CPED1: variants seen among roughly 807,000 people sequenced by gnomAD.
The protein encoded by CPED1 is cadherin-like and PC-esterase domain-containing protein 1.
A neutral mutation model predicts 128.2 loss-of-function variants in CPED1; 114 were observed. The observed-to-expected ratio is 0.89, with a 90% confidence interval of 0.76 to 1.04. The LOEUF (loss-of-function observed/expected upper bound fraction) is 1.04. CPED1 is among the 50% of genes least tolerant of loss of function. CPED1 has a pLI of 0.00. For synonymous variants in CPED1, 462 were observed against 426.7 expected (o/e 1.08, Z -1.02); for missense variants, 1,211 against 1,207.1 (o/e 1.00, Z -0.05).
intron 18 of CPED1, among the ~76,000 whole-genome samples, chr7:121,253,023 T>A (rs1470441719): frequency 2.6e-5 from 4 of 152,038 alleles, no homozygotes; most frequent in Non-Finnish European, 5.9e-5. Context: ...GTATGTTTAT[T>A]GCGGCACTAT....
At chr7:121,090,424 A>T (rs1180845739) in intron 5 of CPED1, among the ~76,000 whole-genome samples, 1 of 152,174 alleles carries the variant, frequency 6.6e-6, no homozygotes, top group Admixed American at 6.5e-5. Context: ...GTACACTGAT[A>T]TGATAACATC....
At chr7:121,059,563 C>T (rs1013048265) in intron 4 of CPED1, among the ~76,000 whole-genome samples, 5 of 152,160 alleles carry the variant, frequency 3.3e-5, no homozygotes, top group African/African-American at 1.2e-4. Context: ...TCTTCCCCCT[C>T]CAGTGTTTTC....
At chr7:121,274,879 T>A (rs1792301398) in intron 22 of CPED1, among the ~76,000 whole-genome samples, 1 of 152,162 alleles carries the variant, frequency 6.6e-6, no homozygotes, top group South Asian at 2.1e-4. Context: ...AGTTGGTGAC[T>A]GCTCTCATGT....
At chr7:121,257,475 G>A (rs191341749) in intron 18 of CPED1, among the ~76,000 whole-genome samples, 1 of 152,124 alleles carries the variant, frequency 6.6e-6, no homozygotes, top group East Asian at 1.9e-4. Flanking sequence ...CAAGGCAGAG[G>A]CAGTGGAAAT....
intron 16 of CPED1, among the ~76,000 whole-genome samples, chr7:121,220,981 T>TA (rs1184265661): frequency 6.6e-6 from 1 of 152,086 alleles, no homozygotes; most frequent in Admixed American, 6.6e-5. Context: ...ATCTTTTTTT[T>TA]ATTATACTTT....
At chr7:121,040,444 T>C (rs111706713) in intron 3 of CPED1, among the ~76,000 whole-genome samples, 1 of 152,074 alleles carries the variant, frequency 6.6e-6, no homozygotes, top group African/African-American at 2.4e-5. Flanking sequence ...GAGTAAGGAA[T>C]TGGTTAATGC....
At chr7:121,248,603 A>C (rs979678601) in intron 18 of CPED1, among the ~76,000 whole-genome samples, 13 of 151,494 alleles carry the variant, frequency 8.6e-5, no homozygotes, top group South Asian at 2.1e-4. Flanking sequence ...ACAAAAAAAA[A>C]AAAAAAAAAA....
At chr7:121,086,232 A>G (rs1325817700) in intron 5 of CPED1, among the ~76,000 whole-genome samples, 1 of 152,204 alleles carries the variant, frequency 6.6e-6, no homozygotes, top group Non-Finnish European at 1.5e-5. Flanking sequence ...AGCAGGCTAT[A>G]AAAAGCAAAG....
At chr7:121,294,414 C>T (rs1792777207) in intron 22 of CPED1, among the ~76,000 whole-genome samples, 1 of 152,054 alleles carries the variant, frequency 6.6e-6, no homozygotes, top group Non-Finnish European at 1.5e-5. Flanking sequence ...TGCACACCTA[C>T]CCCCAAAAGT....
chr7:121,287,034 C>T (rs1373676253), intron 22 of CPED1, among the ~76,000 whole-genome samples: 1 of 152,090 alleles, frequency 6.6e-6, no homozygotes, highest in Admixed American at 6.6e-5. Context: ...CATGAGAACT[C>T]ACTCACTGTT....
At position 121,124,325 on chromosome 7, in the gene CPED1, T is replaced by A. The variant is rs752480478; in HGVS notation, c.919-6T>A. 1 of 1,601,868 alleles carries A rather than the reference T, an allele frequency of 6.2e-7. No homozygotes were observed. Among genetic ancestry groups the A allele is most frequent in the Non-Finnish European group, 8.5e-7 (1 of 1,175,292 alleles). On this transcript the variant is annotated splice_polypyrimidine_tract_variant and splice_region_variant and intron_variant, in intron 7 of 22. Transcript: ENST00000310396. ...TTAACACGTGAATCCTTTACTTTGT[T>A]CACAGCTGCAAACATTTTTTGAGAC...
rs1451188753 is a variant in CPED1, at chr7:121,280,123, C to CGTT, written c.2868+8693_2868+8694insGTT. On this transcript the variant is annotated intron_variant, in intron 22 of 22. Transcript: ENST00000310396. The stretch of plus-strand genomic sequence containing the variant: ...TAAGTTCAAGAGCGTTAGATAGAAA[C>CGTT]AAATACCTGTGTGTTAACGTCCAAT... 4.5e-4 allele frequency among the ~76,000 whole-genome samples: 69 copies of CGTT among 152,248 alleles called. No individual in the cohort carries two copies. In the Middle Eastern group the frequency reaches 0.017, roughly 38 times the overall value.
At position 121,296,901 on chromosome 7, in the gene CPED1, T is replaced by G. The variant is rs1157680322; in HGVS notation, c.*1249T>G. 1 of 152,392 alleles carries G rather than the reference T, an allele frequency of 6.6e-6. No homozygotes were observed. The highest frequency in any genetic ancestry group is 1.5e-5 in the Non-Finnish European group (1 of 67,928). The allele number at this position is 152,392 out of a possible 1,614,324, so 9.4% of individuals were successfully genotyped here. ...TCAATACATGGCTGAAATTACCAAA[T>G]GTATAAATACCTCATTTTCACTACC... On this transcript the variant is annotated 3_prime_UTR_variant, in exon 23 of 23. Transcript: ENST00000310396.
chr7:121,207,863 C>T (rs897773844), intron 16 of CPED1, among the ~76,000 whole-genome samples: 3 of 152,004 alleles, frequency 2.0e-5, no homozygotes, highest in African/African-American at 7.2e-5. Context: ...TTTGTCCAGC[C>T]AGTTACCCAA....
chr7:121,118,882 A>C (rs1795316496), intron 7 of CPED1, among the ~76,000 whole-genome samples: 1 of 152,106 alleles, frequency 6.6e-6, no homozygotes, highest in Non-Finnish European at 1.5e-5. Flanking sequence ...ACTCATTCAC[A>C]ATGACAAGAA....
At position 121,014,051 on chromosome 7, in the gene CPED1, C is replaced by T. The variant is rs181654292; in HGVS notation, c.250-1614C>T. Among the ~76,000 whole-genome samples, 53 of 152,136 alleles carry T rather than the reference C, an allele frequency of 3.5e-4. 1 individual carries two copies. The East Asian group carries it at 5.2e-3, about 15-fold the overall frequency. Reference sequence around the variant, plus strand: ...AGTATGCATTTCAATTAAAAATTTCCGTAAGAGATAATGTTTGACTATTGA... The same window carrying T: ...AGTATGCATTTCAATTAAAAATTTCTGTAAGAGATAATGTTTGACTATTGA... On this transcript the variant is annotated intron_variant, in intron 2 of 22. Coordinates refer to ENST00000310396, the MANE Select transcript of CPED1 (RefSeq NM_024913.5).
intron 16 of CPED1, among the ~76,000 whole-genome samples, chr7:121,160,478 G>A (rs995209467): frequency 6.6e-6 from 1 of 152,202 alleles, no homozygotes; most frequent in African/African-American, 2.4e-5. Flanking sequence ...GGGGAAGGGA[G>A]AGGGGTCCAT....
At chr7:121,095,185 G>T (rs1239243621) in intron 5 of CPED1, among the ~76,000 whole-genome samples, 1 of 152,102 alleles carries the variant, frequency 6.6e-6, no homozygotes, top group East Asian at 1.9e-4. Flanking sequence ...GAGATTTCTA[G>T]GCTCTTTGAG....
At chr7:121,053,870 A>T (rs577062954) in intron 4 of CPED1, among the ~76,000 whole-genome samples, 2 of 152,234 alleles carry the variant, frequency 1.3e-5, no homozygotes, top group Admixed American at 1.3e-4. Context: ...TTGTTATTAA[A>T]TTTTTTGTTG....
Sources: allele counts gnomAD v4.1 joint callset (sites outside exome capture counted in the v4.1 genomes callset), GRCh38; gene constraint gnomAD v4.1.1; transcripts MANE v1.5; gene names NCBI Gene and HGNC (gene_info 2026-07-23, HGNC 2026-07-21).